Variants in PXDNL observed in about 807,000 individuals in gnomAD.
PXDNL encodes probable oxidoreductase PXDNL.
In PXDNL, 145 loss-of-function variants were observed where a neutral mutation model predicts 150.8. The ratio of observed to expected loss-of-function variants is 0.96; its 90% CI spans 0.84 to 1.10. PXDNL has a LOEUF of 1.10. Among genes scored for constraint, PXDNL ranks in the 50% least tolerant of loss-of-function variants. The pLI, the probability that PXDNL is intolerant of heterozygous loss-of-function variation, is 0.00. For synonymous variants in PXDNL, 757 were observed against 725.7 expected, an observed-to-expected ratio of 1.04 and a Z score of -0.69; for missense variants, 2,087 against 1,873.9, an observed-to-expected ratio of 1.11 and a Z score of -2.10.
intron 1 of PXDNL, among the ~76,000 whole-genome samples, chr8:51,693,867 A>G (rs1291426021): frequency 1.3e-5 from 2 of 152,244 alleles, no homozygotes; most frequent in African/African-American, 2.4e-5. Context: ...GACACAAAAC[A>G]TCTTTCATTG....
intron 4 of PXDNL, among the ~76,000 whole-genome samples, chr8:51,508,229 A>T (rs1271153447): frequency 6.6e-6 from 1 of 152,216 alleles, no homozygotes; most frequent in Non-Finnish European, 1.5e-5. Context: ...TCACAAGGAA[A>T]GCTAGTGAGA....
At chr8:51,434,844 A>C (rs74836606) in intron 12 of PXDNL, among the ~76,000 whole-genome samples, 1,610 of 152,332 alleles carry the variant, frequency 0.011, 31 homozygotes, top group African/African-American at 0.037. Flanking sequence ...TGATTTTAGC[A>C]TTCTATAGAT....
intron 2 of PXDNL, among the ~76,000 whole-genome samples, chr8:51,610,157 C>T (rs2130711604): frequency 6.6e-6 from 1 of 152,236 alleles, no homozygotes; most frequent in Non-Finnish European, 1.5e-5. Context: ...TAGGTGGTTA[C>T]CCTAAAGACA....
At chr8:51,776,106 T>A (rs2037350495) in intron 1 of PXDNL, among the ~76,000 whole-genome samples, 1 of 152,182 alleles carries the variant, frequency 6.6e-6, no homozygotes, top group Admixed American at 6.5e-5. Context: ...TCCCGCCTAA[T>A]AAATTTTGGT....
intron 1 of PXDNL, among the ~76,000 whole-genome samples, chr8:51,737,191 A>T (rs988829021): frequency 6.6e-6 from 1 of 152,216 alleles, no homozygotes; most frequent in African/African-American, 2.4e-5. Context: ...CTCTCATTTG[A>T]AAAAGAAATG....
intron 17 of PXDNL, among the ~76,000 whole-genome samples, chr8:51,402,054 G>T (rs1248064036): frequency 6.6e-6 from 1 of 152,188 alleles, no homozygotes; most frequent in Non-Finnish European, 1.5e-5. Context: ...GACAGAGAAT[G>T]CAAGTTTTTG....
intron 8 of PXDNL, among the ~76,000 whole-genome samples, chr8:51,471,161 A>C (rs1464707202): frequency 1.3e-5 from 2 of 151,706 alleles, no homozygotes; most frequent in African/African-American, 4.8e-5. Flanking sequence ...AAAAAGCATC[A>C]AAAAGTGAGC....
At chr8:51,643,614 A>G (rs1351987298) in intron 2 of PXDNL, among the ~76,000 whole-genome samples, 1 of 152,328 alleles carries the variant, frequency 6.6e-6, no homozygotes, top group East Asian at 1.9e-4. Flanking sequence ...AGGCAATACC[A>G]TTCAGGACAT....
At chr8:51,554,969 T>C (rs1168904452) in intron 4 of PXDNL, among the ~76,000 whole-genome samples, 1 of 152,202 alleles carries the variant, frequency 6.6e-6, no homozygotes, top group Non-Finnish European at 1.5e-5. Flanking sequence ...GTGCCCATTA[T>C]CCAGTTCCAA....
chr8:51,613,562 C>A (rs928513739), intron 2 of PXDNL, among the ~76,000 whole-genome samples: 1 of 151,936 alleles, frequency 6.6e-6, no homozygotes, highest in African/African-American at 2.4e-5. Flanking sequence ...GTGATCATTA[C>A]TACCAGAATT....
intron 21 of PXDNL, among the ~76,000 whole-genome samples, chr8:51,339,085 C>T (rs547580546): frequency 7.2e-5 from 11 of 152,286 alleles, no homozygotes; most frequent in South Asian, 4.1e-4. Context: ...GAGCCCTGAG[C>T]GTTAGGTAGA....
At chr8:51,691,951 T>C (rs75069479) in intron 1 of PXDNL, among the ~76,000 whole-genome samples, 9,914 of 152,246 alleles carry the variant, frequency 0.065, 409 homozygotes, top group African/African-American at 0.12. Flanking sequence ...CTCCATTGAA[T>C]TTATAACCTA....
At chr8:51,623,832 A>G (rs1302320873) in intron 2 of PXDNL, among the ~76,000 whole-genome samples, 2 of 152,128 alleles carry the variant, frequency 1.3e-5, no homozygotes, top group Admixed American at 1.3e-4. Flanking sequence ...GGTGACTCAC[A>G]CTTATAATCC....
chr8:51,509,344 G>T (rs1811360559), intron 4 of PXDNL, among the ~76,000 whole-genome samples: 1 of 152,076 alleles, frequency 6.6e-6, no homozygotes, highest in East Asian at 1.9e-4. Context: ...GATCAGGCAT[G>T]CCAACTGTCC....
Position 51,721,922 on chromosome 8 carries a change from T to C in PXDNL, c.165-67162A>G, listed in dbSNP as rs566254507. 1.4e-3 allele frequency: 355 copies of C among 262,704 alleles called. 1 individual carries two copies. Among genetic ancestry groups the C allele is most frequent in the Non-Finnish European group, 2.4e-3 (313 of 130,254 alleles). The allele number at this position is 262,704 out of a possible 1,614,324, so 16.3% of individuals were successfully genotyped here. A position where few individuals can be genotyped will look rare whatever the true frequency, so the allele number is the denominator to read the frequency against. On this transcript the variant is annotated intron_variant, in intron 1 of 22. Coordinates refer to ENST00000356297, the MANE Select transcript of PXDNL (RefSeq NM_144651.5). ...GTCATGGTGAAAGTGTTCCCAGAGA[T>C]ACCTGACCTTTAGGGTTGCTAAAGT...
At chr8:51,417,379 A>G (rs1462273412) in intron 14 of PXDNL, among the ~76,000 whole-genome samples, 2 of 152,212 alleles carry the variant, frequency 1.3e-5, no homozygotes, top group African/African-American at 4.8e-5. Context: ...TATTGATGGT[A>G]AAATCCAATG....
rs532387875 is a variant in PXDNL, at chr8:51,449,796, C to G, written c.1250-678G>C. Among the ~76,000 whole-genome samples the G allele has an allele frequency of 8.5e-4, 130 of 152,278 alleles. 1 individual carries two copies. Among genetic ancestry groups the G allele is most frequent in the Non-Finnish European group, 1.7e-3 (113 of 68,026 alleles). ...TGATCCCCAGTAACGCCTAAGTGAT[C>G]AAAAGAACTTTCGCAGATGACTTTG... On this transcript the variant is annotated intron_variant, in intron 10 of 22. Coordinates refer to ENST00000356297, the MANE Select transcript of PXDNL (RefSeq NM_144651.5).
At chr8:51,373,854 A>T (rs1363126528) in intron 18 of PXDNL, among the ~76,000 whole-genome samples, 1 of 152,216 alleles carries the variant, frequency 6.6e-6, no homozygotes, top group African/African-American at 2.4e-5. Flanking sequence ...ACTTGATTCC[A>T]AGCAATAGAA....
intron 4 of PXDNL, among the ~76,000 whole-genome samples, chr8:51,522,603 G>C (rs1029967013): frequency 1.3e-5 from 2 of 150,642 alleles, no homozygotes; most frequent in East Asian, 1.9e-4. Context: ...CAGCACTTTG[G>C]GGGGCCGAAG....
Sources: gnomAD v4.1 joint callset for allele counts (sites outside exome capture counted in the v4.1 genomes callset) on GRCh38, gnomAD v4.1.1 for gene constraint, MANE v1.5 for transcripts, NCBI Gene and HGNC (gene_info 2026-07-23, HGNC 2026-07-21) for gene names.